The following TBCCD1 variants were observed in gnomAD, a reference collection of about 807,000 sequenced individuals.
The protein encoded by TBCCD1 is TBCC domain-containing protein 1.
A neutral mutation model predicts 53.4 loss-of-function variants in TBCCD1; 26 were observed. The ratio of observed to expected loss-of-function variants is 0.49; its 90% confidence interval spans 0.36 to 0.68. The LOEUF is 0.68. Ranked by LOEUF, TBCCD1 falls within the 30% of genes least tolerant of loss-of-function variation. TBCCD1 has a pLI of 0.00. For synonymous variants in TBCCD1, 245 were observed against 241.7 expected, an observed-to-expected ratio of 1.01 and a Z score of -0.13; for missense variants, 558 against 669.5, an observed-to-expected ratio of 0.83 and a Z score of 1.84.
At chr3:186,555,531 C>T (rs1714516029) in intron 4 of TBCCD1, among the ~76,000 whole-genome samples, 1 of 152,138 alleles carries the variant, frequency 6.6e-6, no homozygotes, top group Admixed American at 6.6e-5. Flanking sequence ...ACCACATTAT[C>T]CCATTAATCC....
chr3:186,568,178 C>T (rs936503358), upstream of TBCCD1, among the ~76,000 whole-genome samples: 2 of 152,182 alleles, frequency 1.3e-5, no homozygotes, highest in African/African-American at 4.8e-5. Context: ...CACTTATTAG[C>T]TCAGTGACCC....
chr3:186,550,786 G>A (rs1714350179), intron 7 of TBCCD1, among the ~76,000 whole-genome samples: 2 of 152,086 alleles, frequency 1.3e-5, no homozygotes, highest in African/African-American at 4.8e-5. Flanking sequence ...GTTTTTGTGA[G>A]GGGAATGGAT....
chr3:186,553,793 A>G (rs1192769516), intron 6 of TBCCD1, among the ~76,000 whole-genome samples: 1 of 152,170 alleles, frequency 6.6e-6, no homozygotes, highest in Non-Finnish European at 1.5e-5. Flanking sequence ...CCCATCCCCA[A>G]CCTAACAGTG....
intron 2 of TBCCD1, among the ~76,000 whole-genome samples, chr3:186,559,924 C>T (rs921558934): frequency 6.6e-6 from 1 of 152,172 alleles, no homozygotes; most frequent in Non-Finnish European, 1.5e-5. Flanking sequence ...ATATGCACTT[C>T]TCTGTCCCAC....
At chr3:186,548,440 T>C (rs2108452006) in intron 7 of TBCCD1, among the ~76,000 whole-genome samples, 2 of 152,322 alleles carry the variant, frequency 1.3e-5, no homozygotes, top group South Asian at 2.1e-4. Flanking sequence ...CTAGATTTTT[T>C]AGTGGTGATA....
Position 186,560,362 on chromosome 3 carries a change from A to T in TBCCD1, c.337-1790T>A, listed in dbSNP as rs761679935. On this transcript the variant is annotated intron_variant, in intron 2 of 7. Transcript: ENST00000338733. ...TTGCTTGATAAACTTTTCAATTTCC[A>T]AAACGTTGTTTAGATATGACCCTAT... Among the ~76,000 whole-genome samples, 114 of 152,210 alleles carry T rather than the reference A, an allele frequency of 7.5e-4. 2 individuals carry two copies. Among genetic ancestry groups the T allele is most frequent in the Admixed American group, 1.8e-3 (27 of 15,276 alleles).
In TBCCD1 at chr3:186,564,187, G is replaced by T; in HGVS notation, c.143C>A (p.Ala48Asp). 1 of 1,614,194 alleles carries T rather than the reference G, an allele frequency of 6.2e-7. No individual in the cohort carries two copies. Among genetic ancestry groups the T allele is most frequent in the South Asian group, 1.1e-5 (1 of 91,084 alleles). Residue 48 changes from alanine (A) to aspartate (D), a missense_variant, in exon 2 of 8, where the codon GCT (alanine) becomes GAT (aspartate). Physicochemically the swap from Ala to Asp is moderately radical, Grantham distance 126 (BLOSUM62 -2). Transcript: ENST00000338733. ...TGTAGACCAGTAGAGGCGCGGGTAA[G>T]CTCCTTCTGTGGCCCGGATTTGCAC... Reference protein sequence around the residue: ...TYVQIRATEGAYPRLYWSTWR... With the variant: ...TYVQIRATEGDYPRLYWSTWR...
intron 7 of TBCCD1, among the ~76,000 whole-genome samples, chr3:186,548,091 T>G (rs1158570275): frequency 6.6e-6 from 1 of 152,150 alleles, no homozygotes; most frequent in Non-Finnish European, 1.5e-5. Context: ...GCAGCATTAC[T>G]CACAACAGCT....
chr3:186,547,196 CA>C (rs1387064680), intron 7 of TBCCD1, among the ~76,000 whole-genome samples: 1 of 150,746 alleles, frequency 6.6e-6, no homozygotes, highest in East Asian at 1.9e-4. Flanking sequence ...GAAGATTAAA[CA>C]AAATTATTTA....
intron 2 of TBCCD1, among the ~76,000 whole-genome samples, 182 bp downstream of exon 2, chr3:186,563,812 C>T (rs1714748240): frequency 6.6e-6 from 1 of 152,136 alleles, no homozygotes; most frequent in African/African-American, 2.4e-5. Flanking sequence ...GCCTGTAATC[C>T]TAACATTTTG....
intron 1 of TBCCD1, 138 bp from the exon 2 acceptor site, chr3:186,564,510 C>G (rs1578975812): frequency 1.8e-6 from 1 of 561,610 alleles, no homozygotes; most frequent in African/African-American, 1.9e-5. Flanking sequence ...AGTTCACCAA[C>G]CAAGAGCAGA....
In TBCCD1 at chr3:186,558,558, C is replaced by T. The variant is rs937227033; in HGVS notation, c.351G>A (p.Thr117=). 29 of 1,613,352 alleles carry T rather than the reference C, an allele frequency of 1.8e-5. No homozygotes were observed. The highest frequency in any genetic ancestry group is 2.2e-5 in the Non-Finnish European group (26 of 1,179,822). ...EKQRNQLSVD[T]LQFLLFLYIQ... ...TGTATAAGAAGAGCAGAAACTGTAG[C>T]GTGTCCACTGAAAGCTGTCCAAGAA... Residue 117 remains threonine, a synonymous_variant, in exon 3 of 8, where the codon ACG becomes ACA. Coordinates refer to ENST00000338733, the MANE Select transcript of TBCCD1 (RefSeq NM_018138.5).
At chr3:186,569,842 G>A (rs533649414), upstream of TBCCD1, among the ~76,000 whole-genome samples, 44 of 152,264 alleles carry the variant, frequency 2.9e-4, no homozygotes, top group African/African-American at 1.0e-3. Context: ...TGCATGAAAG[G>A]AATAAAAACA....
At chr3:186,559,511 C>T (rs1714636875) in intron 2 of TBCCD1, among the ~76,000 whole-genome samples, 1 of 152,074 alleles carries the variant, frequency 6.6e-6, no homozygotes, top group Admixed American at 6.6e-5. Context: ...CCCTGATTAC[C>T]CTCATCTACC....
At chr3:186,559,738 A>G (rs1036214342) in intron 2 of TBCCD1, among the ~76,000 whole-genome samples, 3 of 152,216 alleles carry the variant, frequency 2.0e-5, no homozygotes, top group Non-Finnish European at 4.4e-5. Context: ...AACTTCTGAG[A>G]TAACTGTAGA....
chr3:186,556,425 C>T lies in TBCCD1; in HGVS notation c.843G>A (p.Leu281=), dbSNP rs771766324. 1 of 1,594,134 alleles carries T rather than the reference C, an allele frequency of 6.3e-7. No individual in the cohort carries two copies. Among genetic ancestry groups the T allele is most frequent in the Non-Finnish European group, 8.5e-7 (1 of 1,175,712 alleles). The part of the protein sequence containing the change: ...TSACLKSGKK[L]AWAHQVEGTT... The stretch of plus-strand genomic sequence containing the variant: ...AAAAAATACCTTGATGAGCCCAAGC[C>T]AATTTCTTTCCAGACTTGAGGCAAG... Residue 281 remains leucine, a synonymous_variant, in exon 4 of 8, where the codon TTG becomes TTA. Coordinates refer to ENST00000338733, the MANE Select transcript of TBCCD1 (RefSeq NM_018138.5).
rs768675828 is a variant in TBCCD1, at chr3:186,564,260, G to A, written c.70C>T (p.Pro24Ser). The A allele has an allele frequency of 3.7e-6, 6 of 1,614,156 alleles. No homozygotes were observed. The East Asian group carries it at 8.9e-5, about 24-fold the overall frequency. ...PFIVGALQVP[P>S]PSKFSLHYLR... is the part of the protein sequence containing the mutation. ...TAGTGAAGACTAAACTTGGATGGAG[G>A]GGGGACCTGCAAGGCACCCACTATA... The change falls in exon 2 of 8, where the codon CCT (proline) becomes TCT (serine). Residue 24 changes from proline to serine, a missense_variant. Physicochemically the swap from Pro to Ser is moderately conservative, Grantham distance 74. Transcript: ENST00000338733.
intron 2 of TBCCD1, among the ~76,000 whole-genome samples, chr3:186,561,024 G>T (rs1186791728): frequency 6.6e-6 from 1 of 152,166 alleles, no homozygotes; most frequent in Non-Finnish European, 1.5e-5. Flanking sequence ...AACTCCTAGA[G>T]AAAAATAAGG....
upstream of TBCCD1, among the ~76,000 whole-genome samples, chr3:186,568,775 C>T (rs577676346): frequency 9.9e-5 from 15 of 151,944 alleles, no homozygotes; most frequent in South Asian, 2.3e-3. Context: ...TGGTGGTGTG[C>T]GCCTGTAGTC....
Sources: allele counts gnomAD v4.1 joint callset (sites outside exome capture counted in the v4.1 genomes callset), GRCh38; gene constraint gnomAD v4.1.1; transcripts MANE v1.5; gene names NCBI Gene and HGNC (gene_info 2026-07-23, HGNC 2026-07-21).